Variants in FAR2 observed in about 807,000 individuals in gnomAD.
FAR2 encodes the protein fatty acyl-CoA reductase 2, also known as epididymis secretory protein Li 81.
In FAR2, 19 loss-of-function variants were observed where a neutral mutation model predicts 56.0. The observed-to-expected ratio is 0.34, with a 90% CI of 0.24 to 0.50. The LOEUF is 0.50. Ranked by LOEUF, FAR2 falls within the 20% of genes least tolerant of loss-of-function variation. The pLI, the probability that FAR2 is intolerant of heterozygous loss-of-function variation, is 0.98. For missense variants in FAR2, 508 were observed against 642.2 expected, an observed-to-expected ratio of 0.79 and a Z score of 2.26; for synonymous variants, 219 against 218.8, an observed-to-expected ratio of 1.00 and a Z score of -0.01.
intron 1 of FAR2, among the ~76,000 whole-genome samples, chr12:29,246,302 G>GA (rs1373690692): frequency 1.3e-5 from 2 of 150,636 alleles, no homozygotes; most frequent in East Asian, 1.9e-4. Context: ...AGAACTCAGA[G>GA]AAAAAAAAAG....
At position 29,329,657 on chromosome 12, in the gene FAR2, A is replaced by C. The variant is rs566618782; in HGVS notation, c.1258-2943A>C. ...AAAACCATATCCAATCAAAGTGATA[A>C]TGGAATTTCTTTCAAAAAGCAATTC... On this transcript the variant is annotated intron_variant, in intron 10 of 11. Coordinates refer to ENST00000536681, the MANE Select transcript of FAR2 (RefSeq NM_001271783.2). Among the ~76,000 whole-genome samples, 6 of 152,372 alleles carry C rather than the reference A, an allele frequency of 3.9e-5. No individual in the cohort carries two copies. The South Asian group carries it at 1.2e-3, about 32-fold the overall frequency.
intron 1 of FAR2, among the ~76,000 whole-genome samples, chr12:29,172,513 G>T (rs1949897750): frequency 6.6e-6 from 1 of 152,200 alleles, no homozygotes; most frequent in South Asian, 2.1e-4. Context: ...GACTAAGGCT[G>T]CAGCCTTCCT....
intron 1 of FAR2, among the ~76,000 whole-genome samples, chr12:29,252,425 C>G (rs886100547): frequency 1.3e-5 from 2 of 152,144 alleles, no homozygotes; most frequent in Non-Finnish European, 2.9e-5. Flanking sequence ...CTATAAATAC[C>G]AGCTATGACC....
intron 1 of FAR2, among the ~76,000 whole-genome samples, chr12:29,206,132 T>A (rs895674652): frequency 5.9e-5 from 9 of 152,240 alleles, no homozygotes; most frequent in African/African-American, 9.6e-5. Context: ...CCCAAGGGAA[T>A]GGATGAGGAC....
intron 1 of FAR2, among the ~76,000 whole-genome samples, chr12:29,185,522 A>G (rs975097626): frequency 1.3e-5 from 2 of 152,250 alleles, no homozygotes; most frequent in African/African-American, 2.4e-5. Flanking sequence ...ATGATTTTGT[A>G]GTTCAGCCCT....
chr12:29,262,584 T>G (rs1033794708), intron 1 of FAR2, among the ~76,000 whole-genome samples: 3 of 152,090 alleles, frequency 2.0e-5, no homozygotes, highest in African/African-American at 7.2e-5. Flanking sequence ...GAGCCAAGAT[T>G]GTGCCACTGC....
At chr12:29,252,167 A>G (rs899920097) in intron 1 of FAR2, among the ~76,000 whole-genome samples, 1 of 152,092 alleles carries the variant, frequency 6.6e-6, no homozygotes, top group Non-Finnish European at 1.5e-5. Flanking sequence ...TGGAACTGCT[A>G]CTCCACAGTG....
At chr12:29,195,129 C>T (rs1260840596) in intron 1 of FAR2, among the ~76,000 whole-genome samples, 1 of 152,146 alleles carries the variant, frequency 6.6e-6, no homozygotes, top group East Asian at 1.9e-4. Flanking sequence ...CATTTTTCTT[C>T]AAAACATTAT....
rs779678686 is a variant in FAR2, at chr12:29,308,292, T to C, written c.723+457T>C. Among the ~76,000 whole-genome samples, 151 of 152,178 alleles carry C rather than the reference T, an allele frequency of 9.9e-4. 2 individuals carry two copies. The highest frequency in any genetic ancestry group is 8.4e-4 in the Non-Finnish European group (57 of 68,018). On this transcript the variant is annotated intron_variant, in intron 5 of 11. Coordinates refer to ENST00000536681, the MANE Select transcript of FAR2 (RefSeq NM_001271783.2). ...ACTGTCATGACCTTTTGAAAGTACT[T>C]TGAATTATACCATCTTCTTGAAAGC...
chr12:29,262,667 C>A (rs1948441263), intron 1 of FAR2, among the ~76,000 whole-genome samples: 1 of 151,818 alleles, frequency 6.6e-6, no homozygotes, highest in Non-Finnish European at 1.5e-5. Context: ...ATAAATAAAG[C>A]AAGAAATTAA....
intron 1 of FAR2, among the ~76,000 whole-genome samples, chr12:29,208,020 A>AG (rs1335866815): frequency 6.6e-6 from 1 of 152,176 alleles, no homozygotes; most frequent in African/African-American, 2.4e-5. Flanking sequence ...TAGTCAACAG[A>AG]CCGAGATCCC....
intron 8 of FAR2, among the ~76,000 whole-genome samples, chr12:29,313,373 A>C (rs1949385526): frequency 6.6e-6 from 1 of 152,132 alleles, no homozygotes; most frequent in Admixed American, 6.6e-5. Flanking sequence ...CAAATTTTAA[A>C]CTATCCTGCC....
intron 9 of FAR2, among the ~76,000 whole-genome samples, chr12:29,317,526 A>G (rs1949472181): frequency 6.6e-6 from 1 of 152,228 alleles, no homozygotes; most frequent in Admixed American, 6.5e-5. Context: ...AGTCATAGTG[A>G]GAAGCCACAA....
At chr12:29,203,029 T>C (rs1488957884) in intron 1 of FAR2, among the ~76,000 whole-genome samples, 1 of 152,220 alleles carries the variant, frequency 6.6e-6, no homozygotes, top group Non-Finnish European at 1.5e-5. Flanking sequence ...AATCTTTTTC[T>C]AGAAGATGGA....
chr12:29,257,377 C>G (rs1349591641), intron 1 of FAR2, among the ~76,000 whole-genome samples: 1 of 152,156 alleles, frequency 6.6e-6, no homozygotes, highest in African/African-American at 2.4e-5. Context: ...ATGCACCAAT[C>G]AGCGCCCTGT....
At chr12:29,225,840 A>G (rs1947759914) in intron 1 of FAR2, among the ~76,000 whole-genome samples, 1 of 152,232 alleles carries the variant, frequency 6.6e-6, no homozygotes, top group Non-Finnish European at 1.5e-5. Flanking sequence ...TTCATTTCCA[A>G]ACAAAGGACT....
intron 1 of FAR2, among the ~76,000 whole-genome samples, chr12:29,149,939 C>T (rs1398046903): frequency 6.6e-6 from 1 of 152,202 alleles, no homozygotes. Context: ...TCCTCGCCAG[C>T]CCCCAGCCCC....
intron 1 of FAR2, among the ~76,000 whole-genome samples, chr12:29,180,790 G>A (rs1454455525): frequency 3.4e-5 from 5 of 148,164 alleles, no homozygotes; most frequent in Admixed American, 2.7e-4. Context: ...CTGTAAAATC[G>A]CCTTTGACTT....
intron 6 of FAR2, among the ~76,000 whole-genome samples, chr12:29,310,402 G>A (rs1283250829): frequency 6.6e-6 from 1 of 152,106 alleles, no homozygotes; most frequent in Non-Finnish European, 1.5e-5. Context: ...TTATTAACAT[G>A]AATAATTCCT....
Sources: gnomAD v4.1 joint callset for allele counts (sites outside exome capture counted in the v4.1 genomes callset) on GRCh38, gnomAD v4.1.1 for gene constraint, MANE v1.5 for transcripts, NCBI Gene and HGNC (gene_info 2026-07-23, HGNC 2026-07-21) for gene names.